The following RNF130 variants were observed in gnomAD, a reference collection of about 807,000 sequenced individuals.
RNF130 encodes ring finger protein 130.
A neutral mutation model predicts 44.6 loss-of-function variants in RNF130; 21 were observed. The ratio of observed to expected loss-of-function variants is 0.47; its 90% CI spans 0.33 to 0.68. The LOEUF is 0.68. Ranked by LOEUF, RNF130 falls within the 30% of genes least tolerant of loss-of-function variation. RNF130 has a pLI of 0.02. For synonymous variants in RNF130, 214 were observed against 210.4 expected, an observed-to-expected ratio of 1.02 and a Z score of -0.15; for missense variants, 479 against 560.6, an observed-to-expected ratio of 0.85 and a Z score of 1.47.
downstream of RNF130, among the ~76,000 whole-genome samples, chr5:179,952,046 A>G (rs891867078): frequency 1.3e-5 from 2 of 152,122 alleles, no homozygotes; most frequent in Admixed American, 1.3e-4. Flanking sequence ...TAAAGATTTG[A>G]GTAAGGCCAG....
chr5:179,958,486 G>C (rs566260371), intron 8 of RNF130, among the ~76,000 whole-genome samples: 1 of 152,056 alleles, frequency 6.6e-6, no homozygotes, highest in East Asian at 1.9e-4. Context: ...AGCTCTCCTC[G>C]GCCTCTGATC....
At chr5:179,998,506 C>T (rs1763252094) in intron 3 of RNF130, among the ~76,000 whole-genome samples, 1 of 152,034 alleles carries the variant, frequency 6.6e-6, no homozygotes, top group African/African-American at 2.4e-5. Flanking sequence ...CTATATTGCC[C>T]AGGCTGGTCT....
chr5:179,990,554 G>A (rs1310764151), intron 3 of RNF130, among the ~76,000 whole-genome samples: 2 of 152,200 alleles, frequency 1.3e-5, no homozygotes, highest in Non-Finnish European at 2.9e-5. Context: ...ACAAGAGGTG[G>A]TGGAGCAGAG....
At chr5:179,966,515 T>C (rs1422438411) in intron 7 of RNF130, among the ~76,000 whole-genome samples, 1 of 152,186 alleles carries the variant, frequency 6.6e-6, no homozygotes, top group Non-Finnish European at 1.5e-5. Flanking sequence ...TAAATGCCTG[T>C]TTGTAATGCA....
In RNF130 at chr5:180,040,671, C is replaced by T. The variant is rs541194526; in HGVS notation, c.248-24G>A. The T allele has an allele frequency of 1.3e-5, 20 of 1,596,204 alleles. No individual in the cohort carries two copies. The East Asian group carries it at 3.4e-4, about 27-fold the overall frequency. Reference sequence around the variant, plus strand: ...AACTGAAAAGAAAAAGAAATACACACATTAAAGATAAATAAAACTGACCAA... The same window carrying T: ...AACTGAAAAGAAAAAGAAATACACATATTAAAGATAAATAAAACTGACCAA... On this transcript the variant is annotated intron_variant, in intron 1 of 8. Transcript: ENST00000521389.
intron 8 of RNF130, among the ~76,000 whole-genome samples, chr5:179,962,188 G>A (rs1582143611): frequency 6.6e-6 from 1 of 152,326 alleles, no homozygotes; most frequent in African/African-American, 2.4e-5. Flanking sequence ...TGGATGAGGT[G>A]CAGTGCTCCT....
chr5:179,986,190 T>A lies in RNF130; in HGVS notation c.694-5990A>T, dbSNP rs7722611. Reference sequence around the variant, plus strand: ...AAGGTATTTAGCAAAAAGTATAAAGTTTTTGTGCCTGTTGGTGTAGCTATA... The same window carrying A: ...AAGGTATTTAGCAAAAAGTATAAAGATTTTGTGCCTGTTGGTGTAGCTATA... On this transcript the variant is annotated intron_variant, in intron 3 of 8. Coordinates refer to ENST00000521389, the MANE Select transcript of RNF130 (RefSeq NM_018434.6). Among the ~76,000 whole-genome samples the A allele has an allele frequency of 7.6e-3, 1,157 of 152,308 alleles. 15 individuals are homozygous for A. The highest frequency in any genetic ancestry group is 0.027 in the African/African-American group (1,103 of 41,560).
downstream of RNF130, among the ~76,000 whole-genome samples, chr5:179,953,431 C>T (rs1041228493): frequency 2.0e-5 from 3 of 151,938 alleles, no homozygotes; most frequent in African/African-American, 7.3e-5. Context: ...TCAAAACTTA[C>T]TATGAAACCA....
chr5:180,020,015 AAGGGTCC>A (rs1168174118), intron 2 of RNF130, among the ~76,000 whole-genome samples: 5 of 152,182 alleles, frequency 3.3e-5, no homozygotes, highest in Non-Finnish European at 7.3e-5. Flanking sequence ...AAAACTAAGA[AAGGGTCC>A]AGGGAACTGG....
chr5:179,926,964 G>A (rs966431153), intron 7 of RNF130, among the ~76,000 whole-genome samples: 6 of 152,190 alleles, frequency 3.9e-5, no homozygotes, highest in South Asian at 2.1e-4. Flanking sequence ...CGCCCCACTC[G>A]ACACTGCCCC....
intron 1 of RNF130, among the ~76,000 whole-genome samples, chr5:180,058,098 G>C (rs1043500865): frequency 6.6e-6 from 1 of 152,182 alleles, no homozygotes; most frequent in African/African-American, 2.4e-5. Context: ...ATAAGTTAAG[G>C]AACAGGTATA....
chr5:180,031,179 A>T (rs577579697), intron 2 of RNF130, among the ~76,000 whole-genome samples: 3 of 152,334 alleles, frequency 2.0e-5, no homozygotes, highest in African/African-American at 7.2e-5. Flanking sequence ...TTTGGTCAAC[A>T]GCAAGCTATT....
At chr5:179,970,697 T>A (rs17079854) in intron 5 of RNF130, among the ~76,000 whole-genome samples, 191 bp from the exon 6 acceptor site, 5,067 of 152,324 alleles carry the variant, frequency 0.033, 313 homozygotes, top group African/African-American at 0.12. Flanking sequence ...CAACCTCATA[T>A]GTACAACACC....
chr5:180,058,392 C>T (rs1245724518), intron 1 of RNF130, among the ~76,000 whole-genome samples: 1 of 152,150 alleles, frequency 6.6e-6, no homozygotes, highest in African/African-American at 2.4e-5. Context: ...TATTTTAACA[C>T]ATGCTACAAC....
chr5:179,979,075 T>G (rs1024448960), intron 4 of RNF130, among the ~76,000 whole-genome samples: 5 of 151,982 alleles, frequency 3.3e-5, no homozygotes, highest in Admixed American at 2.0e-4. Context: ...AGGAAATAAC[T>G]GTGCTGGCCC....
chr5:180,017,027 AG>A (rs1363379526), intron 2 of RNF130, among the ~76,000 whole-genome samples: 2 of 152,154 alleles, frequency 1.3e-5, no homozygotes, highest in African/African-American at 2.4e-5. Context: ...TAACTTGTTT[AG>A]TTTTGTGTCC....
At chr5:179,961,384 T>C (rs923104384) in intron 8 of RNF130, among the ~76,000 whole-genome samples, 3 of 152,190 alleles carry the variant, frequency 2.0e-5, no homozygotes, top group East Asian at 1.9e-4. Context: ...GGGAGAAGGG[T>C]TGAACTAAGT....
intron 1 of RNF130, among the ~76,000 whole-genome samples, chr5:180,065,001 T>A (rs1765067960): frequency 6.6e-6 from 1 of 152,216 alleles, no homozygotes; most frequent in Non-Finnish European, 1.5e-5. Flanking sequence ...CAAGTTGTCT[T>A]GGTCCTAGAG....
chr5:179,994,169 A>C (rs1763153504), intron 3 of RNF130, among the ~76,000 whole-genome samples: 1 of 152,156 alleles, frequency 6.6e-6, no homozygotes, highest in Non-Finnish European at 1.5e-5. Context: ...TGACGCCTCC[A>C]GTTTTGTTCT....
Sources: allele counts gnomAD v4.1 joint callset (sites outside exome capture counted in the v4.1 genomes callset), GRCh38; gene constraint gnomAD v4.1.1; transcripts MANE v1.5; gene names NCBI Gene and HGNC (gene_info 2026-07-23, HGNC 2026-07-21).